The following PRSS23 variants were observed in gnomAD, a reference collection of about 807,000 sequenced individuals.
PRSS23 encodes protease, serine 23.
A neutral mutation model predicts 34.7 loss-of-function variants in PRSS23; 25 were observed. The ratio of observed to expected loss-of-function variants is 0.72; its 90% CI spans 0.53 to 1.01. The LOEUF (loss-of-function observed/expected upper bound fraction) is 1.01. Among genes scored for constraint, PRSS23 ranks in the 50% least tolerant of loss-of-function variants. The pLI is 0.00. For synonymous variants in PRSS23, 176 were observed against 186.6 expected, an observed-to-expected ratio of 0.94 and a Z score of 0.46; for missense variants, 445 against 475.6, an observed-to-expected ratio of 0.94 and a Z score of 0.60.
intron 2 of PRSS23, among the ~76,000 whole-genome samples, chr11:86,896,084 T>A (rs967061133): frequency 6.6e-6 from 1 of 152,206 alleles, no homozygotes; most frequent in African/African-American, 2.4e-5. Flanking sequence ...GGGGTCTTTT[T>A]AAACTCCTTA....
Position 86,826,306 on chromosome 11 carries a change from T to G in PRSS23, c.206+2713T>G, listed in dbSNP as rs376774354. 2.6e-4 allele frequency among the ~76,000 whole-genome samples: 40 copies of G among 152,158 alleles called. No homozygotes were observed. In the East Asian group the frequency reaches 6.2e-3, roughly 23 times the overall value. On this transcript the variant is annotated intron_variant, in intron 2 of 2. Transcript: ENST00000533902. ...TGGCTCTCTGTTTGTCTGTTATTTG[T>G]GTATAAGAATGCTTGTGATTTTTGT...
intron 2 of PRSS23, among the ~76,000 whole-genome samples, chr11:86,858,240 A>G (rs1391068581): frequency 6.6e-6 from 1 of 151,996 alleles, no homozygotes; most frequent in Non-Finnish European, 1.5e-5. Flanking sequence ...AGAGAGCATA[A>G]TATTACCTCC....
intron 2 of PRSS23, among the ~76,000 whole-genome samples, chr11:86,929,407 C>T (rs1949108639): frequency 1.3e-5 from 2 of 151,858 alleles, no homozygotes; most frequent in South Asian, 2.1e-4. Context: ...CTTTGGGAAG[C>T]CGAGGCAGGC....
intron 2 of PRSS23, among the ~76,000 whole-genome samples, chr11:86,840,248 G>A (rs906133411): frequency 6.6e-6 from 1 of 152,088 alleles, no homozygotes; most frequent in African/African-American, 2.4e-5. Context: ...ATAAAAGGAT[G>A]GAGGAAGATC....
chr11:86,864,078 C>T (rs1277623225), intron 2 of PRSS23, among the ~76,000 whole-genome samples: 1 of 152,212 alleles, frequency 6.6e-6, no homozygotes, highest in Admixed American at 6.5e-5. Flanking sequence ...ATTTTCTCTT[C>T]CAACAACTCT....
chr11:86,817,750 GT>G (rs1223612942), intron 1 of PRSS23, among the ~76,000 whole-genome samples: 1 of 152,194 alleles, frequency 6.6e-6, no homozygotes, highest in Non-Finnish European at 1.5e-5. Context: ...CATGTATTGA[GT>G]ACCTGTAATG....
rs1232788420 is a variant in PRSS23, at chr11:86,810,942, ATAATT to A, written c.*2148_*2152del. On this transcript the variant is annotated 3_prime_UTR_variant, in exon 2 of 2. Coordinates refer to ENST00000280258, the MANE Select transcript of PRSS23 (RefSeq NM_007173.6). ...AAAAAGGACTCATGGCATTATTAAT[ATAATT>A]AGTGCTTTACATGTGTTAGTTATAC... The A allele has an allele frequency of 6.0e-6, 1 of 166,992 alleles. No individual in the cohort carries two copies. Among genetic ancestry groups the A allele is most frequent in the Non-Finnish European group, 1.5e-5 (1 of 68,118 alleles). The allele number at this position is 166,992 out of a possible 1,614,324, so 10.3% of individuals were successfully genotyped here. A position where few individuals can be genotyped will look rare whatever the true frequency, so the allele number is the denominator to read the frequency against.
intron 2 of PRSS23, chr11:86,833,292 G>A (rs1384296022): frequency 1.3e-6 from 2 of 1,541,294 alleles, no homozygotes; most frequent in Non-Finnish European, 1.8e-6. Context: ...ACATGGGGGT[G>A]TGGAGGTGGA....
chr11:86,901,436 A>G (rs2134984160), intron 2 of PRSS23, among the ~76,000 whole-genome samples: 1 of 152,250 alleles, frequency 6.6e-6, no homozygotes, highest in East Asian at 1.9e-4. Flanking sequence ...TGTATACCTC[A>G]TCTCATAACA....
At chr11:86,833,001 T>G in intron 2 of PRSS23, 1 of 420,372 alleles carries the variant, frequency 2.4e-6, no homozygotes, top group Non-Finnish European at 4.4e-6. Context: ...TCTAAAAGAC[T>G]GAGAAAAAAA....
chr11:86,951,925 C>T (rs1262043323), exon 3 of PRSS23: 1 of 1,613,870 alleles, frequency 6.2e-7, no homozygotes, highest in Non-Finnish European at 8.5e-7. Context: ...ATATCCTTTC[C>T]CGGCCTACAG....
At chr11:86,798,985 G>A (rs2135590977), upstream of PRSS23, among the ~76,000 whole-genome samples, 1 of 152,346 alleles carries the variant, frequency 6.6e-6, no homozygotes, top group East Asian at 1.9e-4. Flanking sequence ...GTGAGCCACT[G>A]AGCCTGGCCT....
intron 2 of PRSS23, among the ~76,000 whole-genome samples, chr11:86,939,968 C>G (rs768125979): frequency 1.3e-4 from 20 of 152,120 alleles, no homozygotes; most frequent in Non-Finnish European, 2.2e-4. Flanking sequence ...TGTCAAGAAA[C>G]AAAATCTACA....
chr11:86,879,806 G>A (rs1355831684), intron 2 of PRSS23, among the ~76,000 whole-genome samples: 23 of 89,208 alleles, frequency 2.6e-4, no homozygotes, highest in African/African-American at 5.5e-4. Context: ...CAGCCGCCCC[G>A]TCCGGGAGGG....
At chr11:86,932,208 C>T (rs1949130873) in intron 2 of PRSS23, among the ~76,000 whole-genome samples, 1 of 152,096 alleles carries the variant, frequency 6.6e-6, no homozygotes, top group South Asian at 2.1e-4. Context: ...GAATACTTGA[C>T]CTTGGGGCAA....
chr11:86,841,849 AG>A (rs1455564190), intron 2 of PRSS23, among the ~76,000 whole-genome samples: 1 of 152,238 alleles, frequency 6.6e-6, no homozygotes, highest in African/African-American at 2.4e-5. Context: ...ATTCTACCAG[AG>A]GTATAAAGAG....
At chr11:86,791,854 A>G (rs1187332534) in intron 1 of PRSS23, among the ~76,000 whole-genome samples, 1 of 152,214 alleles carries the variant, frequency 6.6e-6, no homozygotes, top group Non-Finnish European at 1.5e-5. Flanking sequence ...TAAGAGCTGA[A>G]AAATAAGCAA....
downstream of PRSS23, among the ~76,000 whole-genome samples, chr11:86,815,977 C>T (rs1454408093): frequency 1.3e-5 from 2 of 152,234 alleles, no homozygotes; most frequent in South Asian, 2.1e-4. Flanking sequence ...TGATCAGGCC[C>T]CTCCCCTATG....
At chr11:86,898,749 G>A (rs1271979369) in intron 2 of PRSS23, among the ~76,000 whole-genome samples, 1 of 152,218 alleles carries the variant, frequency 6.6e-6, no homozygotes, top group Non-Finnish European at 1.5e-5. Context: ...TTTCCAGGCA[G>A]AGGGAATTGC....
Sources: allele counts gnomAD v4.1 joint callset (sites outside exome capture counted in the v4.1 genomes callset), GRCh38; gene constraint gnomAD v4.1.1; transcripts MANE v1.5; gene names NCBI Gene and HGNC (gene_info 2026-07-23, HGNC 2026-07-21).